CELF2: variants seen among roughly 807,000 people sequenced by gnomAD.
CELF2 encodes the protein CUGBP Elav-like family member 2, also known as CUG triplet repeat RNA-binding protein 2.
In CELF2, 8 loss-of-function variants were observed where a neutral mutation model predicts 62.6. That is an observed-to-expected ratio of 0.13 (90% confidence interval 0.07 to 0.23). The LOEUF (loss-of-function observed/expected upper bound fraction) is 0.23, where lower values mean the gene tolerates loss of function less well. CELF2 is among the 10% of genes least tolerant of loss of function. The pLI, the probability that CELF2 is intolerant of heterozygous loss-of-function variation, is 1.00. For synonymous variants in CELF2, 258 were observed against 250.0 expected, an observed-to-expected ratio of 1.03 and a Z score of -0.30; for missense variants, 333 against 671.0, an observed-to-expected ratio of 0.50 and a Z score of 5.56.
chr10:10,536,218 T>C, the CELF2 span, among the ~76,000 whole-genome samples: 3 of 152,052 alleles, frequency 2.0e-5, no homozygotes, highest in Non-Finnish European at 4.4e-5. Flanking sequence ...TGGGGTTTCA[T>C]CATGTTGGTC....
intron 2 of CELF2, among the ~76,000 whole-genome samples, chr10:11,201,322 C>T (rs923235878): frequency 6.6e-6 from 1 of 152,166 alleles, no homozygotes; most frequent in Non-Finnish European, 1.5e-5. Flanking sequence ...ACACAGAACC[C>T]TTATGGATAT....
At chr10:11,115,672 A>T (rs898122234) in intron 1 of CELF2, among the ~76,000 whole-genome samples, 5 of 152,346 alleles carry the variant, frequency 3.3e-5, no homozygotes, top group African/African-American at 1.2e-4. Flanking sequence ...CTACTCAAAA[A>T]GTCACAGCTG....
At chr10:10,864,871 A>G (rs1001263429) in intron 1 of CELF2, among the ~76,000 whole-genome samples, 1 of 152,130 alleles carries the variant, frequency 6.6e-6, no homozygotes, top group African/African-American at 2.4e-5. Context: ...TTTTAAAACC[A>G]CTTCTTGTCC....
intron 1 of CELF2, among the ~76,000 whole-genome samples, chr10:11,148,783 A>G (rs558597216): frequency 1.3e-5 from 2 of 152,198 alleles, no homozygotes; most frequent in South Asian, 2.1e-4. Flanking sequence ...GAAGAGCAAT[A>G]TCTGCCTCCA....
the CELF2 span, among the ~76,000 whole-genome samples, chr10:10,587,571 A>G: frequency 6.6e-6 from 1 of 152,164 alleles, no homozygotes; most frequent in African/African-American, 2.4e-5. Flanking sequence ...ACATAAAATA[A>G]ACATCTTTAA....
chr10:11,017,608 C>T (rs966230371), upstream of CELF2, among the ~76,000 whole-genome samples: 2 of 152,186 alleles, frequency 1.3e-5, no homozygotes, highest in Admixed American at 1.3e-4. This position sits in a 1 kb window ranked among gnomAD's most constrained non-coding sequence, Gnocchi z 5.5. Flanking sequence ...GTGGAGCGGG[C>T]TTTGGCGCCT....
chr10:10,899,906 T>C (rs2062819992), intron 1 of CELF2, among the ~76,000 whole-genome samples: 1 of 152,208 alleles, frequency 6.6e-6, no homozygotes, highest in African/African-American at 2.4e-5. Context: ...ACCTCCAGCA[T>C]TGGGGATTAC....
chr10:11,257,628 A>C (rs1251245388), intron 4 of CELF2, 110 bp from the exon 5 acceptor site: 2 of 1,264,030 alleles, frequency 1.6e-6, no homozygotes, highest in South Asian at 2.8e-5. Context: ...GCCTTGGGAC[A>C]CGTGCTTGGT....
intron 1 of CELF2, among the ~76,000 whole-genome samples, chr10:10,851,245 A>G (rs977734477): frequency 8.5e-5 from 13 of 152,236 alleles, no homozygotes; most frequent in South Asian, 6.2e-4. Context: ...GCCATTTCTT[A>G]TGAAATTAAG....
chr10:10,492,610 A>T, the CELF2 span, among the ~76,000 whole-genome samples: 1 of 152,180 alleles, frequency 6.6e-6, no homozygotes. Context: ...CTGAAGGGAG[A>T]TTTGTCCACC....
chr10:10,605,113 C>G, the CELF2 span, among the ~76,000 whole-genome samples: 1 of 152,168 alleles, frequency 6.6e-6, no homozygotes, highest in African/African-American at 2.4e-5. Context: ...GAGATCATGT[C>G]CTTTGCAAGG....
At chr10:10,591,664 A>G in the CELF2 span, among the ~76,000 whole-genome samples, 2 of 152,184 alleles carry the variant, frequency 1.3e-5, no homozygotes, top group East Asian at 3.8e-4. Flanking sequence ...CTTCTCTGTT[A>G]AGACGTTTGC....
At chr10:10,554,899 G>A in the CELF2 span, among the ~76,000 whole-genome samples, 2 of 152,254 alleles carry the variant, frequency 1.3e-5, no homozygotes, top group Admixed American at 6.5e-5. Flanking sequence ...TAATCCTAGA[G>A]ATGTTACAAA....
At chr10:11,184,252 C>G (rs934610220) in intron 2 of CELF2, among the ~76,000 whole-genome samples, 4 of 152,198 alleles carry the variant, frequency 2.6e-5, no homozygotes, top group Non-Finnish European at 4.4e-5. Flanking sequence ...CTCCAGTGAT[C>G]TTATTTGTCT....
rs2064611570 is a variant in CELF2 at position 11,157,080 on chromosome 10, T to C, written c.75-8406T>C. 6.6e-6 allele frequency among the ~76,000 whole-genome samples: 1 copy of C among 151,748 alleles called. No individual in the cohort carries two copies. The highest frequency in any genetic ancestry group is 1.5e-5 in the Non-Finnish European group (1 of 67,964). On this transcript the variant is annotated intron_variant, in intron 1 of 12. Transcript: ENST00000633077. This position sits in a 1 kb window ranked among gnomAD's most constrained non-coding sequence, Gnocchi z 4.9. ...GAGAATGAAGGGTGGAAATGGAAGG[T>C]CCTTTGCGGAACAGGCTCCAGGGGG... is the stretch of plus-strand genomic sequence containing the variant.
rs1341410811 is a variant in CELF2 at position 10,957,254 on chromosome 10, T to C, written c.89+37255T>C. On this transcript the variant is annotated intron_variant, in intron 2 of 13. Transcript: ENST00000636488. The surrounding 1 kb of genome is among the most constrained non-coding windows in gnomAD (Gnocchi z 4.1). ...TCAAACCGATTTATGTATTTAGATA[T>C]GACCTCAGGTGCTGGTAAAGTTATT... Among the ~76,000 whole-genome samples, 1 of 152,250 alleles carries C rather than the reference T, an allele frequency of 6.6e-6. No individual in the cohort carries two copies. Among genetic ancestry groups the C allele is most frequent in the Non-Finnish European group, 1.5e-5 (1 of 68,046 alleles).
intron 1 of CELF2, among the ~76,000 whole-genome samples, chr10:11,081,537 T>C (rs1564652994): frequency 6.6e-6 from 1 of 152,168 alleles, no homozygotes; most frequent in Non-Finnish European, 1.5e-5. Context: ...TTTGCTGTTT[T>C]GGCACTGAGG....
chr10:11,208,411 C>T (rs1241955486), intron 2 of CELF2, among the ~76,000 whole-genome samples: 2 of 152,140 alleles, frequency 1.3e-5, no homozygotes, highest in East Asian at 3.9e-4. Flanking sequence ...TGCCTAGGCT[C>T]ATTTGCATAC....
At chr10:10,563,309 C>T in the CELF2 span, among the ~76,000 whole-genome samples, 2 of 152,002 alleles carry the variant, frequency 1.3e-5, no homozygotes, top group African/African-American at 2.4e-5. Context: ...TTCCTACTTA[C>T]GAAGGAAAGA....
Sources: allele counts gnomAD v4.1 joint callset (sites outside exome capture counted in the v4.1 genomes callset), GRCh38; gene constraint gnomAD v4.1.1; non-coding constraint Gnocchi (gnomAD v3.1); transcripts MANE v1.5; gene names NCBI Gene and HGNC (gene_info 2026-07-23, HGNC 2026-07-21).